GALNTL6: variants seen among roughly 807,000 people sequenced by gnomAD.
The protein encoded by GALNTL6 is polypeptide N-acetylgalactosaminyltransferase like 6.
In GALNTL6, 46 loss-of-function variants were observed where a neutral mutation model predicts 73.7. The ratio of observed to expected loss-of-function variants is 0.62; its 90% CI spans 0.49 to 0.80. GALNTL6 has a LOEUF of 0.80. Among genes scored for constraint, GALNTL6 ranks in the 30% least tolerant of loss-of-function variants. The pLI is 0.00. For synonymous variants in GALNTL6, 259 were observed against 263.7 expected, an observed-to-expected ratio of 0.98 and a Z score of 0.17; for missense variants, 604 against 755.0, an observed-to-expected ratio of 0.80 and a Z score of 2.34.
At chr4:172,859,885 T>C (rs867530497) in intron 7 of GALNTL6, among the ~76,000 whole-genome samples, 6 of 152,288 alleles carry the variant, frequency 3.9e-5, no homozygotes, top group Middle Eastern at 6.8e-3. Flanking sequence ...GATCTGTCAT[T>C]ATCTCCCATC....
At chr4:171,978,140 G>A (rs1478541614) in intron 2 of GALNTL6, among the ~76,000 whole-genome samples, 3 of 151,908 alleles carry the variant, frequency 2.0e-5, no homozygotes, top group Non-Finnish European at 2.9e-5. Flanking sequence ...GATTTTCATA[G>A]CAAAATTGCA....
chr4:173,009,275 G>C lies in GALNTL6; in HGVS notation c.1469G>C (p.Arg490Thr). ...ATCTGTGTCAAGGATGGTTCTGAAA[G>C]AACATGGTCTCATGAACAGGTGAGT... ...LDICVKDGSE[R>T]TWSHEQLFTF... The change falls in exon 11 of 13, where the codon AGA becomes ACA. Residue 490 changes from arginine to threonine, a missense_variant. Arg to Thr is a moderately conservative substitution (Grantham distance 71, BLOSUM62 -1). Coordinates refer to ENST00000506823, the MANE Select transcript of GALNTL6 (RefSeq NM_001034845.3). The C allele has an allele frequency of 1.2e-6, 2 of 1,612,774 alleles. No homozygotes were observed. The highest frequency in any genetic ancestry group is 2.2e-5 in the South Asian group (2 of 91,062).
At chr4:172,686,063 A>AT (rs969160312) in intron 5 of GALNTL6, among the ~76,000 whole-genome samples, 3 of 152,258 alleles carry the variant, frequency 2.0e-5, no homozygotes, top group African/African-American at 7.2e-5. Flanking sequence ...AGACCACTAT[A>AT]TTTTTTTAAA....
intron 4 of GALNTL6, among the ~76,000 whole-genome samples, chr4:172,314,419 A>C (rs1271719452): frequency 6.6e-6 from 1 of 152,034 alleles, no homozygotes; most frequent in African/African-American, 2.4e-5. Context: ...TACTAGCCGG[A>C]CTTATGCCAT....
In GALNTL6 at chr4:171,954,212, T is replaced by C. The variant is rs1738978044; in HGVS notation, c.138+139494T>C. Reference sequence around the variant, plus strand: ...GTTTAAAAATTCTATTCATAACTCATTGGGTTGATTTCATGCCAATGAAGA... The same window carrying C: ...GTTTAAAAATTCTATTCATAACTCACTGGGTTGATTTCATGCCAATGAAGA... On this transcript the variant is annotated intron_variant, in intron 2 of 12. Coordinates refer to ENST00000506823, the MANE Select transcript of GALNTL6 (RefSeq NM_001034845.3). 2.6e-5 allele frequency among the ~76,000 whole-genome samples: 4 copies of C among 152,208 alleles called. No homozygotes were observed. The South Asian group carries it at 8.3e-4, about 31-fold the overall frequency.
chr4:172,848,619 C>G (rs1284392410), intron 7 of GALNTL6, among the ~76,000 whole-genome samples: 4 of 152,108 alleles, frequency 2.6e-5, no homozygotes, highest in African/African-American at 9.7e-5. Context: ...CTTGAGTCAA[C>G]AAGAAGTCTG....
At chr4:172,567,003 CT>C (rs1429751001) in intron 5 of GALNTL6, among the ~76,000 whole-genome samples, 1 of 150,924 alleles carries the variant, frequency 6.6e-6, no homozygotes, top group African/African-American at 2.4e-5. Context: ...AACAGCACAA[CT>C]TTTGACACTG....
At chr4:171,984,720 G>A (rs1002645771) in intron 2 of GALNTL6, among the ~76,000 whole-genome samples, 2 of 152,132 alleles carry the variant, frequency 1.3e-5, no homozygotes, top group Admixed American at 6.5e-5. Flanking sequence ...AGATAGAAAA[G>A]AGAGAAAAAA....
intron 7 of GALNTL6, among the ~76,000 whole-genome samples, chr4:172,848,979 G>C (rs1743662363): frequency 6.6e-6 from 1 of 152,088 alleles, no homozygotes. Flanking sequence ...AATGGTCACT[G>C]AAAGTCTGCT....
At chr4:172,428,851 A>T (rs1238084891) in intron 5 of GALNTL6, among the ~76,000 whole-genome samples, 2 of 152,192 alleles carry the variant, frequency 1.3e-5, no homozygotes, top group Non-Finnish European at 2.9e-5. Context: ...CAGCTGTCAG[A>T]TTCAGGGGTC....
At chr4:172,377,199 A>T (rs1743063809) in intron 5 of GALNTL6, among the ~76,000 whole-genome samples, 1 of 152,132 alleles carries the variant, frequency 6.6e-6, no homozygotes, top group African/African-American at 2.4e-5. Context: ...GGTCTGTTTT[A>T]TAGAGAGCTG....
chr4:172,968,664 C>T (rs1009571385), intron 10 of GALNTL6, among the ~76,000 whole-genome samples: 1 of 152,120 alleles, frequency 6.6e-6, no homozygotes, highest in African/African-American at 2.4e-5. Flanking sequence ...TCAAAGGTAA[C>T]AATACTGCTT....
At chr4:172,206,943 G>A (rs112244234) in intron 2 of GALNTL6, among the ~76,000 whole-genome samples, 6 of 150,818 alleles carry the variant, frequency 4.0e-5, no homozygotes, top group East Asian at 2.0e-4. Context: ...TCAGCCTCCC[G>A]AGTAGCTGGG....
chr4:172,173,410 G>A (rs1416084686), intron 2 of GALNTL6, among the ~76,000 whole-genome samples: 19 of 152,176 alleles, frequency 1.2e-4, no homozygotes, highest in Admixed American at 1.1e-3. Context: ...GATTCCTCTG[G>A]GAAAATGCAG....
At chr4:172,270,443 T>C (rs532391912) in intron 3 of GALNTL6, among the ~76,000 whole-genome samples, 2 of 152,302 alleles carry the variant, frequency 1.3e-5, no homozygotes, top group Admixed American at 1.3e-4. Flanking sequence ...CTAGTGTGTA[T>C]GTATTCTGGG....
chr4:172,025,163 A>G (rs1242371160), intron 2 of GALNTL6, among the ~76,000 whole-genome samples: 1 of 152,004 alleles, frequency 6.6e-6, no homozygotes, highest in Non-Finnish European at 1.5e-5. Context: ...GTTTCCAAAT[A>G]AGGGGCTCCT....
chr4:172,136,899 T>C (rs1489370603), intron 2 of GALNTL6, among the ~76,000 whole-genome samples: 1 of 151,992 alleles, frequency 6.6e-6, no homozygotes, highest in African/African-American at 2.4e-5. Flanking sequence ...CCATAGCAAT[T>C]AAAAGTAAAT....
chr4:172,603,518 C>A (rs928199714), intron 5 of GALNTL6, among the ~76,000 whole-genome samples: 1 of 151,744 alleles, frequency 6.6e-6, no homozygotes, highest in African/African-American at 2.4e-5. Flanking sequence ...TGTAATATCA[C>A]AAATAAATAA....
chr4:172,882,700 A>G, intron 7 of GALNTL6, 90 bp from the exon 8 acceptor site: 1 of 874,890 alleles, frequency 1.1e-6, no homozygotes, highest in South Asian at 1.3e-5. Context: ...GACCACTAAA[A>G]CATATCTTGA....
Sources: allele counts gnomAD v4.1 joint callset (sites outside exome capture counted in the v4.1 genomes callset), GRCh38; gene constraint gnomAD v4.1.1; transcripts MANE v1.5; gene names NCBI Gene and HGNC (gene_info 2026-07-23, HGNC 2026-07-21).